Variants in CLEC4G observed in about 807,000 individuals in gnomAD.
The protein encoded by CLEC4G is C-type lectin domain family 4 member G.
CLEC4G carries 34 observed loss-of-function variants against 37.0 expected under a neutral mutation model. That is an observed-to-expected ratio of 0.92 (90% CI 0.70 to 1.22). The LOEUF is 1.22. Ranked by LOEUF, CLEC4G falls within the 50% of genes most tolerant of loss-of-function variation. CLEC4G has a pLI of 0.00. For synonymous variants in CLEC4G, 167 were observed against 165.6 expected, an observed-to-expected ratio of 1.01 and a Z score of -0.06; for missense variants, 390 against 392.9, an observed-to-expected ratio of 0.99 and a Z score of 0.06.
chr19:7,730,253 G>T lies in CLEC4G; in HGVS notation c.479-86C>A. The T allele has an allele frequency of 6.4e-7, 1 of 1,572,668 alleles. No individual in the cohort carries two copies. The highest frequency in any genetic ancestry group is 1.7e-4 in the Middle Eastern group (1 of 5,860). On this transcript the variant is annotated intron_variant, in intron 6 of 8. Transcript: ENST00000328853. The surrounding 1 kb of genome is among the most constrained non-coding windows in gnomAD (Gnocchi z 7.3). ...GCAGTGGGTAGGGGTTCGGCCCCGCGGGCTCAGGGGTGGAGACACAGAACC... is the reference window on the plus strand; with the variant it reads ...GCAGTGGGTAGGGGTTCGGCCCCGCTGGCTCAGGGGTGGAGACACAGAACC...
At position 7,731,137 on chromosome 19, in the gene CLEC4G, G is replaced by A. The variant is rs146068565; in HGVS notation, c.221-49C>T. ...TGCATGCCCCTCGGGTCACTTGGGAGGACTCAGGGGACCCCCTTCCAGCCT... is the reference window on the plus strand; with the variant it reads ...TGCATGCCCCTCGGGTCACTTGGGAAGACTCAGGGGACCCCCTTCCAGCCT... On this transcript the variant is annotated intron_variant, in intron 3 of 8. Transcript: ENST00000328853. The A allele has an allele frequency of 3.6e-3, 5,826 of 1,599,860 alleles. 130 individuals are homozygous for A. Among genetic ancestry groups the A allele is most frequent in the African/African-American group, 0.035 (2,655 of 74,918 alleles).
Position 7,730,063 on chromosome 19 carries a change from C to T in CLEC4G, c.583G>A (p.Asp195Asn). The change falls in exon 7 of 9, where the codon GAT (aspartate) becomes AAT (asparagine). Residue 195 changes from aspartate to asparagine, a missense_variant. Coordinates refer to ENST00000328853, the MANE Select transcript of CLEC4G (RefSeq NM_198492.4). This position sits in a 1 kb window ranked among gnomAD's most constrained non-coding sequence, Gnocchi z 7.3. Reference protein sequence around the residue: ...TWAAAQDHCADASAHLVIVGG... With the variant: ...TWAAAQDHCANASAHLVIVGG... ...ACGATCACCAGGTGCGCGCTGGCAT[C>T]TGCGCAGTGATCCTGCGCCGCCGCC... 1 of 1,605,722 alleles carries T rather than the reference C, an allele frequency of 6.2e-7. No homozygotes were observed. The highest frequency in any genetic ancestry group is 1.1e-5 in the South Asian group (1 of 90,340).
At chr19:7,731,121 C>T in intron 3 of CLEC4G, 33 bp from the exon 4 acceptor site, 2 of 1,604,202 alleles carry the variant, frequency 1.2e-6, no homozygotes, top group Non-Finnish European at 1.7e-6. Context: ...ATGCATGCCC[C>T]TCGGGTCACT....
In CLEC4G at chr19:7,730,519, C is replaced by G; in HGVS notation, c.389-79G>C. On this transcript the variant is annotated intron_variant, in intron 5 of 8. Coordinates refer to ENST00000328853, the MANE Select transcript of CLEC4G (RefSeq NM_198492.4). The surrounding 1 kb of genome is among the most constrained non-coding windows in gnomAD (Gnocchi z 7.3). Reference sequence around the variant, plus strand: ...TCATGACTAGCTAAAGGTCAGGACCCCTGTCTGTGGTCATTGTACCCTCGG... The same window carrying G: ...TCATGACTAGCTAAAGGTCAGGACCGCTGTCTGTGGTCATTGTACCCTCGG... 6.5e-7 allele frequency: 1 copy of G among 1,548,278 alleles called. No individual in the cohort carries two copies. The highest frequency in any genetic ancestry group is 8.7e-7 in the Non-Finnish European group (1 of 1,154,382).
Position 7,731,335 on chromosome 19 carries a change from C to A in CLEC4G, c.167-16G>T. On this transcript the variant is annotated splice_polypyrimidine_tract_variant and intron_variant, in intron 2 of 8. Transcript: ENST00000328853. ...TCCGTGGAGGCTGAGGAGAGAGGCT[C>A]CTGCAGGCGAGGCCGGGAACTCGGG... 8 of 1,562,864 alleles carry A rather than the reference C, an allele frequency of 5.1e-6. No individual in the cohort carries two copies. Among genetic ancestry groups the A allele is most frequent in the Non-Finnish European group, 6.9e-6 (8 of 1,159,626 alleles).
In CLEC4G at chr19:7,731,646, T is replaced by A; in HGVS notation, c.166+15A>T. 6.2e-7 allele frequency: 1 copy of A among 1,612,860 alleles called. No homozygotes were observed. The highest frequency in any genetic ancestry group is 8.5e-7 in the Non-Finnish European group (1 of 1,179,392). On this transcript the variant is annotated intron_variant, in intron 2 of 8. Transcript: ENST00000328853. ...GGGGGCCGGATGCAACACCTCCCCA[T>A]TGAGAGTCACTCACCCTTGGACAAT...
In CLEC4G at chr19:7,730,288, T is replaced by C; in HGVS notation, c.478+63A>G. The C allele has an allele frequency of 6.3e-7, 1 of 1,577,932 alleles. No homozygotes were observed. Among genetic ancestry groups the C allele is most frequent in the Non-Finnish European group, 8.6e-7 (1 of 1,165,560 alleles). Reference sequence around the variant, plus strand: ...GTGGAGACACAGAACCAGGCCAAGGTCCAGGAGTGACAGGGTCCGCTTACG... The same window carrying C: ...GTGGAGACACAGAACCAGGCCAAGGCCCAGGAGTGACAGGGTCCGCTTACG... On this transcript the variant is annotated intron_variant, in intron 6 of 8. Coordinates refer to ENST00000328853, the MANE Select transcript of CLEC4G (RefSeq NM_198492.4). This position sits in a 1 kb window ranked among gnomAD's most constrained non-coding sequence, Gnocchi z 7.3.
chr19:7,731,514 G>T, intron 2 of CLEC4G, 147 bp downstream of exon 2: 1 of 1,454,664 alleles, frequency 6.9e-7, no homozygotes, highest in Non-Finnish European at 9.2e-7. Context: ...GCACACGCGT[G>T]AGTGCACACG....
chr19:7,731,625 G>T (rs762731761), intron 2 of CLEC4G, 36 bp downstream of exon 2: 5 of 1,608,236 alleles, frequency 3.1e-6, no homozygotes, highest in Non-Finnish European at 4.2e-6. Flanking sequence ...CCCCAGGGGG[G>T]CCGGATGCAA....
intron 1 of CLEC4G, 133 bp from the exon 2 acceptor site, chr19:7,731,904 G>A (rs1568501204): frequency 2.6e-6 from 4 of 1,519,430 alleles, no homozygotes; most frequent in Non-Finnish European, 3.6e-6. Context: ...CGGCAGAGTT[G>A]GAATTGGACC....
chr19:7,731,930 C>G (rs1177118227), intron 1 of CLEC4G, 118 bp downstream of exon 1: 2 of 1,490,040 alleles, frequency 1.3e-6, no homozygotes, highest in African/African-American at 2.8e-5. Context: ...CCAACTGGCT[C>G]TATGGCCTGT....
In CLEC4G at chr19:7,729,581, G is replaced by A. The variant is rs114639709; in HGVS notation, c.744-77C>T. Reference sequence around the variant, plus strand: ...CTCGGGGTCCCGCCTTCCTCTTCAGGCTCTAGCCTGTTTATTGCTTGGGTC... The same window carrying A: ...CTCGGGGTCCCGCCTTCCTCTTCAGACTCTAGCCTGTTTATTGCTTGGGTC... On this transcript the variant is annotated intron_variant, in intron 8 of 8. Coordinates refer to ENST00000328853, the MANE Select transcript of CLEC4G (RefSeq NM_198492.4). 3.6e-3 allele frequency: 4,637 copies of A among 1,270,546 alleles called. 137 individuals are homozygous for A. In the African/African-American group the frequency reaches 0.061, roughly 17 times the overall value. 78.7% of individuals were successfully genotyped at this position (1,270,546 alleles called of 1,614,324 possible).
rs778340305 is a variant in CLEC4G at position 7,732,088 on chromosome 19, C to T, written c.15G>A (p.Arg5=). The change falls in exon 1 of 9, where the codon AGG becomes AGA. Residue 5 remains arginine (R), a synonymous_variant. Coordinates refer to ENST00000328853, the MANE Select transcript of CLEC4G (RefSeq NM_198492.4). ...CGGAGCTGCCGCCCCACTTGCTGTACCTGGTGGTGTCCATGGCGATGCAGG... is the reference window on the plus strand; with the variant it reads ...CGGAGCTGCCGCCCCACTTGCTGTATCTGGTGGTGTCCATGGCGATGCAGG... MDTT[R]YSKWGGSSEE... is the part of the protein sequence containing the mutation. 30 of 1,608,902 alleles carry T rather than the reference C, an allele frequency of 1.9e-5. No homozygotes were observed. In the South Asian group the frequency reaches 3.0e-4, roughly 16 times the overall value.
Position 7,729,096 on chromosome 19 carries a change from T to G in CLEC4G, c.*270A>C. 5 of 587,640 alleles carry G rather than the reference T, an allele frequency of 8.5e-6. No homozygotes were observed. Among genetic ancestry groups the G allele is most frequent in the Admixed American group, 2.2e-5 (1 of 45,528 alleles). The allele number at this position is 587,640 out of a possible 1,614,324, so 36.4% of individuals were successfully genotyped here. ...TTGGTTAGGGAGAGAAGTGGAGGCA[T>G]ATCACGGGGACGCAGGAGCAGGGAT... On this transcript the variant is annotated 3_prime_UTR_variant, in exon 9 of 9. Transcript: ENST00000328853.
chr19:7,730,948 G>T lies in CLEC4G; in HGVS notation c.283+78C>A. On this transcript the variant is annotated intron_variant, in intron 4 of 8. Transcript: ENST00000328853. This position sits in a 1 kb window ranked among gnomAD's most constrained non-coding sequence, Gnocchi z 7.3. ...CCCCGCCCCGCACCACCCGCCGCAG[G>T]CCTCCGCCCCGGCCCCCCTCCCATC... 1 of 1,463,770 alleles carries T rather than the reference G, an allele frequency of 6.8e-7. No individual in the cohort carries two copies. The allele number at this position is 1,463,770 out of a possible 1,614,324, so 90.7% of individuals were successfully genotyped here.
At position 7,730,998 on chromosome 19, in the gene CLEC4G, G is replaced by T. The variant is rs757098933; in HGVS notation, c.283+28C>A. 3.2e-6 allele frequency: 5 copies of T among 1,573,004 alleles called. No homozygotes were observed. Among genetic ancestry groups the T allele is most frequent in the Non-Finnish European group, 4.3e-6 (5 of 1,166,388 alleles). On this transcript the variant is annotated intron_variant, in intron 4 of 8. Transcript: ENST00000328853. The surrounding 1 kb of genome is among the most constrained non-coding windows in gnomAD (Gnocchi z 7.3). The stretch of plus-strand genomic sequence containing the variant: ...CGCGGCCGCAAGACCCCATCCCTGC[G>T]CCCACAGCCTCGACCGCGCCCCCTC...
Position 7,731,251 on chromosome 19 carries a change from C to T in CLEC4G, c.220+15G>A, listed in dbSNP as rs777852831. 2 of 1,583,008 alleles carry T rather than the reference C, an allele frequency of 1.3e-6. No individual in the cohort carries two copies. Among genetic ancestry groups the T allele is most frequent in the Admixed American group, 1.8e-5 (1 of 57,108 alleles). ...CTCACGCCCCGGGGGCCCAGGCGCCCGGCTCTGCACACACCGTTTGTCCTC... is the reference window on the plus strand; with the variant it reads ...CTCACGCCCCGGGGGCCCAGGCGCCTGGCTCTGCACACACCGTTTGTCCTC... On this transcript the variant is annotated intron_variant, in intron 3 of 8. Coordinates refer to ENST00000328853, the MANE Select transcript of CLEC4G (RefSeq NM_198492.4).
chr19:7,730,925 CCG>C lies in CLEC4G; in HGVS notation c.284-68_284-67del. 1 of 1,489,060 alleles carries C rather than the reference CCG, an allele frequency of 6.7e-7. No homozygotes were observed. The highest frequency in any genetic ancestry group is 8.9e-7 in the Non-Finnish European group (1 of 1,124,804). 92.2% of individuals were successfully genotyped at this position (1,489,060 alleles called of 1,614,324 possible). ...GGGGCGGGACTTCGGAGACCAGCCCCCGCCCCGCACCACCCGCCGCAGGCCTC... is the reference window on the plus strand; with the variant it reads ...GGGGCGGGACTTCGGAGACCAGCCCCCCCCGCACCACCCGCCGCAGGCCTC... On this transcript the variant is annotated intron_variant, in intron 4 of 8. Transcript: ENST00000328853. This position sits in a 1 kb window ranked among gnomAD's most constrained non-coding sequence, Gnocchi z 7.3.
intron 1 of CLEC4G, 124 bp from the exon 2 acceptor site, chr19:7,731,895 G>C (rs898882593): frequency 2.6e-6 from 4 of 1,523,568 alleles, no homozygotes; most frequent in African/African-American, 1.4e-5. Context: ...GCTTCTAAGC[G>C]GCAGAGTTGG....
Sources: gnomAD v4.1 joint callset for allele counts on GRCh38, gnomAD v4.1.1 for gene constraint, Gnocchi (gnomAD v3.1) non-coding constraint, MANE v1.5 for transcripts, NCBI Gene and HGNC (gene_info 2026-07-23, HGNC 2026-07-21) for gene names.